SH3BGRL2: variants seen among roughly 807,000 people sequenced by gnomAD.
SH3BGRL2 encodes SH3 domain binding glutamate rich protein like 2, also known as SH3 domain-binding glutamic acid-rich-like protein 2.
Under a neutral mutation model 14.8 loss-of-function variants are expected in SH3BGRL2, and 21 were observed. The observed-to-expected ratio is 1.42, with a 90% CI of 1.01 to 2.05. The LOEUF (loss-of-function observed/expected upper bound fraction) is 2.05. Among genes scored for constraint, SH3BGRL2 ranks in the 30% most tolerant of loss-of-function variants. The pLI is 0.00. For synonymous variants in SH3BGRL2, 50 were observed against 47.8 expected, an observed-to-expected ratio of 1.05 and a Z score of -0.19; for missense variants, 147 against 130.8, an observed-to-expected ratio of 1.12 and a Z score of -0.61.
intron 1 of SH3BGRL2, among the ~76,000 whole-genome samples, chr6:79,655,316 T>C (rs1055244625): frequency 8.6e-5 from 13 of 151,780 alleles, no homozygotes; most frequent in African/African-American, 3.2e-4. Context: ...ATGGGTACGA[T>C]TGAGCAGATG....
intron 1 of SH3BGRL2, among the ~76,000 whole-genome samples, chr6:79,639,304 A>T (rs722408): frequency 0.12 from 17,761 of 152,268 alleles, 1,225 homozygotes; most frequent in Non-Finnish European, 0.15. Context: ...ATACTTTATT[A>T]TGTGCCAGGT....
In SH3BGRL2 at chr6:79,698,584, T is replaced by C. The variant is rs1770379381; in HGVS notation, c.313-914T>C. 2.6e-5 allele frequency among the ~76,000 whole-genome samples: 4 copies of C among 152,122 alleles called. No homozygotes were observed. The South Asian group carries it at 8.3e-4, about 32-fold the overall frequency. On this transcript the variant is annotated intron_variant, in intron 3 of 3. Coordinates refer to ENST00000369838, the MANE Select transcript of SH3BGRL2 (RefSeq NM_031469.4). ...ATGGGCCCAACAGGCCCAGGTGCAG[T>C]GTAGGCTCTGACTGGGCTGCCCTCC...
the SH3BGRL2 span, among the ~76,000 whole-genome samples, chr6:79,566,849 A>T: frequency 0.13 from 19,405 of 150,212 alleles, 1,416 homozygotes; most frequent in African/African-American, 0.16. Context: ...GTGAGCTATG[A>T]TTGTGCCACT....
At chr6:79,650,630 T>C (rs2127726294) in intron 1 of SH3BGRL2, among the ~76,000 whole-genome samples, 1 of 152,174 alleles carries the variant, frequency 6.6e-6, no homozygotes, top group South Asian at 2.1e-4. Context: ...TTTTTAACAG[T>C]CAGTTCTCAA....
chr6:79,692,323 G>C (rs1770236414), intron 2 of SH3BGRL2, among the ~76,000 whole-genome samples: 1 of 152,068 alleles, frequency 6.6e-6, no homozygotes, highest in African/African-American at 2.4e-5. Context: ...TCACTCTGAT[G>C]GTAGTTTCTT....
chr6:79,552,168 A>T, the SH3BGRL2 span, among the ~76,000 whole-genome samples: 1 of 152,212 alleles, frequency 6.6e-6, no homozygotes, highest in Admixed American at 6.5e-5. Context: ...GTCCATGGTC[A>T]GTGGTCCTCT....
rs75429941 is a variant in SH3BGRL2 at position 79,668,638 on chromosome 6, G to A, written c.46-4976G>A. Among the ~76,000 whole-genome samples the A allele has an allele frequency of 8.3e-3, 1,269 of 152,146 alleles. 20 individuals are homozygous for A. Among genetic ancestry groups the A allele is most frequent in the African/African-American group, 0.028 (1,182 of 41,484 alleles). On this transcript the variant is annotated intron_variant, in intron 1 of 3. Transcript: ENST00000369838. ...TTGAGGGTAATAGAGTACTAAGGTC[G>A]TAATGGGAAGCAGATTCAGGGAAAT...
At chr6:79,637,275 C>A (rs1768943586) in intron 1 of SH3BGRL2, among the ~76,000 whole-genome samples, 1 of 152,112 alleles carries the variant, frequency 6.6e-6, no homozygotes, top group Admixed American at 6.6e-5. Context: ...AAAATATAAT[C>A]AAGGATATGA....
the SH3BGRL2 span, among the ~76,000 whole-genome samples, chr6:79,540,240 C>G: frequency 6.6e-6 from 1 of 152,112 alleles, no homozygotes; most frequent in East Asian, 1.9e-4. Flanking sequence ...CAAGACCATC[C>G]TGGCTAACAC....
the SH3BGRL2 span, among the ~76,000 whole-genome samples, chr6:79,584,235 G>A: frequency 9.9e-5 from 15 of 152,052 alleles, no homozygotes; most frequent in Admixed American, 9.2e-4. Context: ...TTGCTGTAGA[G>A]TAGTCAAAGC....
In SH3BGRL2 at chr6:79,703,357, T is replaced by C. The variant is rs1339480310; in HGVS notation, c.*3848T>C. 6.6e-6 allele frequency: 1 copy of C among 152,204 alleles called. No homozygotes were observed. Among genetic ancestry groups the C allele is most frequent in the East Asian group, 1.9e-4 (1 of 5,196 alleles). The allele number at this position is 152,204 out of a possible 1,614,324, so 9.4% of individuals were successfully genotyped here. A position where few individuals can be genotyped will look rare whatever the true frequency, so the allele number is the denominator to read the frequency against. On this transcript the variant is annotated 3_prime_UTR_variant, in exon 4 of 4. Coordinates refer to ENST00000369838, the MANE Select transcript of SH3BGRL2 (RefSeq NM_031469.4). ...TAATTTGTTTTTGTTATAAGCCATTTGAATTTTTAAAAAATTTCATACATG... is the reference window on the plus strand; with the variant it reads ...TAATTTGTTTTTGTTATAAGCCATTCGAATTTTTAAAAAATTTCATACATG...
the SH3BGRL2 span, among the ~76,000 whole-genome samples, chr6:79,587,030 C>A: frequency 1.3e-5 from 2 of 152,126 alleles, no homozygotes; most frequent in African/African-American, 2.4e-5. Context: ...TTTATCTAGA[C>A]CCCCAGGTGG....
chr6:79,686,429 T>A (rs929529922), intron 2 of SH3BGRL2, among the ~76,000 whole-genome samples: 11 of 152,148 alleles, frequency 7.2e-5, no homozygotes, highest in African/African-American at 2.4e-4. Flanking sequence ...ATCTAGTAAT[T>A]TCCATCTCTT....
chr6:79,621,597 G>C, the SH3BGRL2 span, among the ~76,000 whole-genome samples: 1 of 152,198 alleles, frequency 6.6e-6, no homozygotes, highest in Non-Finnish European at 1.5e-5. Context: ...CAGATGTTAA[G>C]TAATTCACCC....
intron 1 of SH3BGRL2, among the ~76,000 whole-genome samples, chr6:79,669,354 C>A (rs12176148): frequency 2.6e-5 from 4 of 151,838 alleles, no homozygotes; most frequent in African/African-American, 9.7e-5. Flanking sequence ...GGAAAGTTCC[C>A]TATCTCACAG....
chr6:79,689,493 C>T (rs1477744429), intron 2 of SH3BGRL2, among the ~76,000 whole-genome samples: 2 of 152,004 alleles, frequency 1.3e-5, no homozygotes, highest in Admixed American at 6.6e-5. Context: ...TTAATATGGA[C>T]AAATGGATTA....
At chr6:79,674,082 C>T (rs1287295567) in intron 2 of SH3BGRL2, among the ~76,000 whole-genome samples, 2 of 145,786 alleles carry the variant, frequency 1.4e-5, no homozygotes, top group African/African-American at 5.0e-5. Flanking sequence ...AAGGGAAGCT[C>T]TGTGTATGTG....
Position 79,696,530 on chromosome 6 carries a change from T to C in SH3BGRL2, c.277T>C (p.Ser93Pro). 6.3e-7 allele frequency: 1 copy of C among 1,575,792 alleles called. No homozygotes were observed. The highest frequency in any genetic ancestry group is 8.6e-7 in the Non-Finnish European group (1 of 1,169,420). ...FESKESNTVF[S>P]FLGLKPRLAS... ...ATCCAAGGAAAGCAACACAGTCTTT[T>C]CATTTTTAGGCCTGAAACCACGGTT... is the stretch of plus-strand genomic sequence containing the variant. Residue 93 changes from serine (S) to proline (P), a missense_variant, in exon 3 of 4, where the codon TCA (serine) becomes CCA (proline). Physicochemically the swap from Ser to Pro is moderately conservative, Grantham distance 74 (BLOSUM62 -1). Coordinates refer to ENST00000369838, the MANE Select transcript of SH3BGRL2 (RefSeq NM_031469.4).
chr6:79,650,122 C>A (rs1769257354), intron 1 of SH3BGRL2, among the ~76,000 whole-genome samples: 1 of 151,772 alleles, frequency 6.6e-6, no homozygotes, highest in Admixed American at 6.6e-5. Context: ...GGTGGAGAGA[C>A]CAGAATTTGC....
Sources: gnomAD v4.1 joint callset for allele counts (sites outside exome capture counted in the v4.1 genomes callset) on GRCh38, gnomAD v4.1.1 for gene constraint, MANE v1.5 for transcripts, NCBI Gene and HGNC (gene_info 2026-07-23, HGNC 2026-07-21) for gene names.